Variants in IREB2 observed in about 807,000 individuals in gnomAD.
IREB2 encodes iron-responsive element-binding protein 2.
IREB2 carries 39 observed loss-of-function variants against 118.8 expected under a neutral mutation model. The observed-to-expected ratio is 0.33, with a 90% CI of 0.25 to 0.43. The LOEUF is 0.43. Among genes scored for constraint, IREB2 ranks in the 20% least tolerant of loss-of-function variants. IREB2 has a pLI of 1.00. For missense variants in IREB2, 900 were observed against 1,147.3 expected (o/e 0.78, Z 3.11); for synonymous variants, 372 against 392.2 (o/e 0.95, Z 0.61).
intron 5 of IREB2, among the ~76,000 whole-genome samples, chr15:78,468,270 G>A (rs2051318828): frequency 6.6e-6 from 1 of 151,704 alleles, no homozygotes; most frequent in Admixed American, 6.6e-5. Context: ...TGAGATGGAG[G>A]GTCTCTCTGT....
At chr15:78,476,494 C>A in intron 9 of IREB2, 135 bp downstream of exon 9, 1 of 604,346 alleles carries the variant, frequency 1.7e-6, no homozygotes, top group South Asian at 3.1e-5. Context: ...AACTTTCAAG[C>A]AAACATCAGA....
intron 2 of IREB2, among the ~76,000 whole-genome samples, chr15:78,456,283 G>A (rs917003690): frequency 1.1e-4 from 16 of 152,098 alleles, no homozygotes; most frequent in Admixed American, 1.0e-3. Flanking sequence ...CATCTTCCCT[G>A]GCAGTAGGTC....
At chr15:78,459,846 C>T (rs72738732) in intron 2 of IREB2, among the ~76,000 whole-genome samples, 1 of 151,892 alleles carries the variant, frequency 6.6e-6, no homozygotes, top group Non-Finnish European at 1.5e-5. Context: ...GTTGAAAAAC[C>T]TAGGTTCTTT....
chr15:78,490,844 T>C, intron 18 of IREB2, 83 bp downstream of exon 18: 1 of 1,277,068 alleles, frequency 7.8e-7, no homozygotes, highest in Non-Finnish European at 1.1e-6. Context: ...TGTTCCTTTT[T>C]TCCAGTAAAT....
intron 2 of IREB2, among the ~76,000 whole-genome samples, chr15:78,449,189 C>T (rs959784546): frequency 7.2e-5 from 11 of 152,018 alleles, no homozygotes; most frequent in Admixed American, 1.3e-4. Flanking sequence ...TTCTGTTTCC[C>T]GGTTTAGTAA....
intron 2 of IREB2, among the ~76,000 whole-genome samples, chr15:78,461,143 T>TG (rs1335608934): frequency 6.6e-6 from 1 of 152,240 alleles, no homozygotes; most frequent in Admixed American, 6.5e-5. Flanking sequence ...ATGTTCAAGA[T>TG]GCGTCTTTTC....
At chr15:78,471,506 C>G (rs577086023) in intron 6 of IREB2, among the ~76,000 whole-genome samples, 1 of 152,322 alleles carries the variant, frequency 6.6e-6, no homozygotes, top group African/African-American at 2.4e-5. Flanking sequence ...CAGTTGAATA[C>G]TGCCATTTGT....
intron 8 of IREB2, chr15:78,475,116 G>A (rs1175785780): frequency 6.7e-6 from 1 of 149,606 alleles, no homozygotes; most frequent in Non-Finnish European, 1.5e-5. Flanking sequence ...TTTACACTTA[G>A]GGTTTGAGTT....
intron 4 of IREB2, among the ~76,000 whole-genome samples, chr15:78,465,977 A>G (rs2051274584): frequency 6.6e-6 from 1 of 152,132 alleles, no homozygotes; most frequent in South Asian, 2.1e-4. Context: ...TGTTAGGGGG[A>G]AAAAATCTAT....
At chr15:78,441,465 A>G (rs1317309153) in intron 2 of IREB2, among the ~76,000 whole-genome samples, 1 of 152,230 alleles carries the variant, frequency 6.6e-6, no homozygotes, top group Non-Finnish European at 1.5e-5. Flanking sequence ...CTCCAAAATA[A>G]TCTAGTGATA....
At chr15:78,439,754 T>C (rs760657242) in intron 1 of IREB2, 41 bp from the exon 2 acceptor site, 5 of 1,095,778 alleles carry the variant, frequency 4.6e-6, no homozygotes, top group South Asian at 2.8e-5. Flanking sequence ...GAATAAAATA[T>C]TTTGTTGCTG....
At chr15:78,497,056 G>GC (rs1332019418) in intron 20 of IREB2, 70 bp from the exon 21 acceptor site, 14 of 1,160,842 alleles carry the variant, frequency 1.2e-5, no homozygotes, top group Non-Finnish European at 1.8e-5. Context: ...GTAGATTTTT[G>GC]CCCCCTTTAA....
intron 8 of IREB2, 190 bp from the exon 9 acceptor site, chr15:78,475,998 A>C (rs1157540046): frequency 7.0e-6 from 3 of 426,500 alleles, no homozygotes; most frequent in African/African-American, 6.0e-5. Flanking sequence ...ACATTGGACC[A>C]GTCTTCTCTT....
At chr15:78,482,687 T>A (rs1853383165) in intron 10 of IREB2, among the ~76,000 whole-genome samples, 2 of 152,144 alleles carry the variant, frequency 1.3e-5, no homozygotes, top group Non-Finnish European at 2.9e-5. Context: ...AGGCATCTAT[T>A]TTATCATTGG....
At chr15:78,495,376 G>A (rs2051823720) in intron 20 of IREB2, among the ~76,000 whole-genome samples, 1 of 152,130 alleles carries the variant, frequency 6.6e-6, no homozygotes, top group South Asian at 2.1e-4. Context: ...TTCCTTATAT[G>A]GCAGGTGATG....
intron 7 of IREB2, among the ~76,000 whole-genome samples, chr15:78,472,163 A>G (rs2051390679): frequency 6.6e-6 from 1 of 152,156 alleles, no homozygotes; most frequent in African/African-American, 2.4e-5. Context: ...GAAGTAATTG[A>G]ATAATTGAAT....
intron 2 of IREB2, among the ~76,000 whole-genome samples, chr15:78,456,900 T>G (rs1459939963): frequency 6.6e-6 from 1 of 152,190 alleles, no homozygotes; most frequent in Non-Finnish European, 1.5e-5. Context: ...CTTCTTATAC[T>G]ACTCTTTCTT....
At chr15:78,497,729 C>T (rs2051862081) in intron 21 of IREB2, among the ~76,000 whole-genome samples, 1 of 152,186 alleles carries the variant, frequency 6.6e-6, no homozygotes, top group African/African-American at 2.4e-5. Context: ...TTACTGATTA[C>T]ATGCAATCAA....
chr15:78,460,678 T>A (rs1200093393), intron 2 of IREB2, among the ~76,000 whole-genome samples: 1 of 152,140 alleles, frequency 6.6e-6, no homozygotes, highest in South Asian at 2.1e-4. Context: ...TTGTTAAGGG[T>A]TTGTTACTGT....
Sources: gnomAD v4.1 joint callset for allele counts (sites outside exome capture counted in the v4.1 genomes callset) on GRCh38, gnomAD v4.1.1 for gene constraint, MANE v1.5 for transcripts, NCBI Gene and HGNC (gene_info 2026-07-23, HGNC 2026-07-21) for gene names.